ESRRB: variants seen among roughly 807,000 people sequenced by gnomAD.
ESRRB encodes steroid hormone receptor ERR2.
Under a neutral mutation model 46.0 loss-of-function variants are expected in ESRRB, and 16 were observed. The observed-to-expected ratio is 0.35, with a 90% CI of 0.24 to 0.53. The LOEUF is 0.53. ESRRB is among the 20% of genes least tolerant of loss of function. The pLI, the probability that ESRRB is intolerant of heterozygous loss-of-function variation, is 0.93. For missense variants in ESRRB, 488 were observed against 607.4 expected (o/e 0.80, Z 2.07); for synonymous variants, 246 against 259.6 (o/e 0.95, Z 0.50).
chr14:76,364,492 C>G (rs1294393839), intron 1 of ESRRB, among the ~76,000 whole-genome samples: 2 of 152,076 alleles, frequency 1.3e-5, no homozygotes, highest in African/African-American at 4.8e-5. Context: ...AGTTCAAGAC[C>G]AGCTTGGCCA....
intron 1 of ESRRB, among the ~76,000 whole-genome samples, chr14:76,391,483 T>G (rs996135559): frequency 2.0e-5 from 3 of 152,272 alleles, no homozygotes; most frequent in Non-Finnish European, 4.4e-5. Flanking sequence ...GGCCAGAAGC[T>G]GCAGCTCATT....
At chr14:76,457,401 G>A (rs1245850222) in intron 2 of ESRRB, among the ~76,000 whole-genome samples, 1 of 151,972 alleles carries the variant, frequency 6.6e-6, no homozygotes, top group East Asian at 1.9e-4. Flanking sequence ...GGCCCAGGAT[G>A]GCTTTGAATG....
intron 1 of ESRRB, among the ~76,000 whole-genome samples, chr14:76,396,199 C>CA (rs1885673506): frequency 1.4e-5 from 2 of 142,292 alleles, no homozygotes; most frequent in African/African-American, 2.5e-5. Context: ...AAAACAAAAA[C>CA]AAAAAACAAA....
At chr14:76,378,229 T>A (rs746276979) in intron 1 of ESRRB, among the ~76,000 whole-genome samples, 1 of 152,208 alleles carries the variant, frequency 6.6e-6, no homozygotes, top group Non-Finnish European at 1.5e-5. Flanking sequence ...TCAATAAATA[T>A]GAAAATTCGT....
At chr14:76,361,154 AG>A (rs1314168170) in intron 1 of ESRRB, among the ~76,000 whole-genome samples, 1 of 152,218 alleles carries the variant, frequency 6.6e-6, no homozygotes, top group African/African-American at 2.4e-5. Flanking sequence ...CATTATATTG[AG>A]ACCATCCTAC....
At chr14:76,430,817 AGCAGGGATGAGGCTCT>A (rs1262621403) in intron 1 of ESRRB, among the ~76,000 whole-genome samples, 1 of 152,174 alleles carries the variant, frequency 6.6e-6, no homozygotes, top group African/African-American at 2.4e-5. Context: ...GCATGGCCCC[AGCAGGGATGAGGCTCT>A]GGGGGCCGTC....
rs144430163 is a variant in ESRRB at position 76,448,622 on chromosome 14, C to T, written c.460+8872C>T. 3.0e-3 allele frequency among the ~76,000 whole-genome samples: 450 copies of T among 152,106 alleles called. 13 individuals are homozygous for T. The highest frequency in any genetic ancestry group is 6.6e-4 in the Non-Finnish European group (45 of 68,004). ...AAGTGCTGGGATTACAGACGTGAGC[C>T]ACCGCGCCCAGCCCACATTTACTTC... On this transcript the variant is annotated intron_variant, in intron 2 of 6. Coordinates refer to ENST00000644823, the MANE Select transcript of ESRRB (RefSeq NM_001379180.1).
At position 76,488,911 on chromosome 14, in the gene ESRRB, C is replaced by T. The variant is rs1441121909; in HGVS notation, c.851-2536C>T. 2.6e-5 allele frequency among the ~76,000 whole-genome samples: 4 copies of T among 152,266 alleles called. No individual in the cohort carries two copies. In the South Asian group the frequency reaches 6.2e-4, roughly 24 times the overall value. ...CTTGTGCCCCTTGGTGTGTGTCTTC[C>T]CCTTCACTGTAAACCGTTGAAGGCA... On this transcript the variant is annotated intron_variant, in intron 5 of 6. Coordinates refer to ENST00000644823, the MANE Select transcript of ESRRB (RefSeq NM_001379180.1).
At chr14:76,474,268 T>G (rs991065493) in intron 3 of ESRRB, among the ~76,000 whole-genome samples, 2 of 152,236 alleles carry the variant, frequency 1.3e-5, no homozygotes, top group African/African-American at 4.8e-5. Context: ...AACAGGCAGA[T>G]GAAAGGCAAG....
chr14:76,426,305 G>A (rs1887200440), intron 1 of ESRRB, among the ~76,000 whole-genome samples: 1 of 152,162 alleles, frequency 6.6e-6, no homozygotes, highest in Non-Finnish European at 1.5e-5. Context: ...ATTTTTATGG[G>A]CCAGATAAGG....
chr14:76,449,811 A>C (rs867521375), intron 2 of ESRRB, among the ~76,000 whole-genome samples: 2 of 134,718 alleles, frequency 1.5e-5, no homozygotes, highest in African/African-American at 2.9e-5. Context: ...TCTGTTGCCC[A>C]GGCTCAGTGC....
At chr14:76,449,699 C>T (rs754460017) in intron 2 of ESRRB, among the ~76,000 whole-genome samples, 18 of 151,836 alleles carry the variant, frequency 1.2e-4, no homozygotes, top group African/African-American at 4.4e-4. Flanking sequence ...CTTAATAGCA[C>T]CTCTGATGTG....
chr14:76,333,891 G>A (rs1006432488), intron 1 of ESRRB, among the ~76,000 whole-genome samples: 1 of 150,234 alleles, frequency 6.7e-6, no homozygotes, highest in Non-Finnish European at 1.5e-5. Context: ...GACTGTGCAA[G>A]TCTAGAGGTT....
chr14:76,372,020 A>G (rs1884637334), upstream of ESRRB, among the ~76,000 whole-genome samples: 1 of 152,162 alleles, frequency 6.6e-6, no homozygotes, highest in South Asian at 2.1e-4. Flanking sequence ...ACTGGATTCC[A>G]TTAAGAGTGG....
At chr14:76,491,360 G>C (rs569957043) in intron 5 of ESRRB, 87 bp from the exon 6 acceptor site, 1 of 1,420,530 alleles carries the variant, frequency 7.0e-7, no homozygotes, top group East Asian at 2.4e-5. Context: ...GCCACGCCCT[G>C]CAACCTCTGC....
chr14:76,345,827 C>T (rs1021218451), intron 1 of ESRRB, among the ~76,000 whole-genome samples: 1 of 152,194 alleles, frequency 6.6e-6, no homozygotes, highest in Non-Finnish European at 1.5e-5. Flanking sequence ...TCAGACCTTC[C>T]GGGCTCTGTC....
intron 1 of ESRRB, among the ~76,000 whole-genome samples, chr14:76,352,403 G>A (rs1884324933): frequency 6.6e-6 from 1 of 152,228 alleles, no homozygotes; most frequent in Non-Finnish European, 1.5e-5. Context: ...TAGCAAGCGG[G>A]AACGTATCTA....
At chr14:76,400,312 A>G (rs1325037304) in intron 1 of ESRRB, among the ~76,000 whole-genome samples, 2 of 152,202 alleles carry the variant, frequency 1.3e-5, no homozygotes, top group African/African-American at 2.4e-5. Context: ...TAGCAAGCTG[A>G]GAACATAATC....
At chr14:76,339,577 T>G (rs569457299) in intron 1 of ESRRB, among the ~76,000 whole-genome samples, 1 of 152,304 alleles carries the variant, frequency 6.6e-6, no homozygotes, top group East Asian at 1.9e-4. Flanking sequence ...CAGGCCCCTG[T>G]ACAGCTGTGT....
Sources: allele counts gnomAD v4.1 joint callset (sites outside exome capture counted in the v4.1 genomes callset), GRCh38; gene constraint gnomAD v4.1.1; transcripts MANE v1.5; gene names NCBI Gene and HGNC (gene_info 2026-07-23, HGNC 2026-07-21).